Variants in USP15 observed in about 807,000 individuals in gnomAD.
USP15 encodes the protein ubiquitin carboxyl-terminal hydrolase 15.
A neutral mutation model predicts 127.1 loss-of-function variants in USP15; 18 were observed. The observed-to-expected ratio is 0.14, with a 90% CI of 0.10 to 0.21. The LOEUF (loss-of-function observed/expected upper bound fraction) is 0.21, where lower values mean the gene tolerates loss of function less well. Ranked by LOEUF, USP15 falls within the 10% of genes least tolerant of loss-of-function variation. The pLI is 1.00. For synonymous variants in USP15, 364 were observed against 393.7 expected (o/e 0.92, Z 0.89); for missense variants, 805 against 1,159.9 (o/e 0.69, Z 4.44).
intron 6 of USP15, among the ~76,000 whole-genome samples, chr12:62,347,344 A>G (rs2065849706): frequency 2.7e-5 from 4 of 147,948 alleles, no homozygotes; most frequent in East Asian, 1.9e-4. Flanking sequence ...GTGTGTGTGT[A>G]TATACACAAA....
At chr12:62,401,658 C>T (rs2067693325) in intron 21 of USP15, among the ~76,000 whole-genome samples, 1 of 151,802 alleles carries the variant, frequency 6.6e-6, no homozygotes, top group Non-Finnish European at 1.5e-5. Flanking sequence ...TACCTGTGAT[C>T]TTTAAAGTCA....
rs79936720 is a variant in USP15, at chr12:62,346,389, A to G, written c.684-2832A>G. On this transcript the variant is annotated intron_variant, in intron 6 of 21. Transcript: ENST00000280377. The stretch of plus-strand genomic sequence containing the variant: ...TTTTATCCACCATTGCTTTTGCACT[A>G]TCAGTGCCAATATCCACTCAGTGAA... 8.1e-4 allele frequency among the ~76,000 whole-genome samples: 124 copies of G among 152,328 alleles called. 2 individuals are homozygous for G. The East Asian group carries it at 0.02, about 25-fold the overall frequency.
chr12:62,351,884 A>C (rs1411975194), intron 7 of USP15, among the ~76,000 whole-genome samples: 1 of 150,974 alleles, frequency 6.6e-6, no homozygotes, highest in Non-Finnish European at 1.5e-5. Flanking sequence ...TAAAATGGAA[A>C]GTTTTTTTTT....
chr12:62,300,001 G>T (rs563774575), intron 2 of USP15, among the ~76,000 whole-genome samples: 3 of 150,952 alleles, frequency 2.0e-5, no homozygotes, highest in Non-Finnish European at 2.9e-5. Flanking sequence ...TAATAGAATT[G>T]TTTGTCTTTT....
At chr12:62,293,435 C>T (rs2064034564) in intron 1 of USP15, among the ~76,000 whole-genome samples, 1 of 152,192 alleles carries the variant, frequency 6.6e-6, no homozygotes, top group Non-Finnish European at 1.5e-5. Flanking sequence ...CGGCTCACTG[C>T]AACCTCTGCC....
intron 1 of USP15, among the ~76,000 whole-genome samples, chr12:62,274,507 G>GAAAAAA (rs2063429771): frequency 6.6e-6 from 1 of 151,798 alleles, no homozygotes; most frequent in Non-Finnish European, 1.5e-5. Context: ...TTAACCGGGT[G>GAAAAAA]TGGTGGTGCT....
chr12:62,384,822 G>A (rs757986136), intron 11 of USP15, among the ~76,000 whole-genome samples: 9 of 151,782 alleles, frequency 5.9e-5, no homozygotes, highest in Non-Finnish European at 1.3e-4. Flanking sequence ...ATACTTTGAA[G>A]TATCACATAT....
Position 62,381,525 on chromosome 12 carries a change from C to T in USP15, c.951C>T (p.Phe317=), listed in dbSNP as rs1451232619. ...LSNTPPLTEY[F]LNDKYQEELN... The stretch of plus-strand genomic sequence containing the variant: ...ACACACCTCCACTTACTGAGTATTT[C>T]CTCAATGATAAGTATCAAGAAGAAC... The change falls in exon 9 of 22, where the codon TTC becomes TTT. Residue 317 remains phenylalanine, a synonymous_variant. Transcript: ENST00000280377. 1.9e-6 allele frequency: 3 copies of T among 1,612,020 alleles called. No individual in the cohort carries two copies. In the East Asian group the frequency reaches 6.7e-5, roughly 36 times the overall value.
intron 8 of USP15, among the ~76,000 whole-genome samples, chr12:62,373,272 C>T (rs1271734563): frequency 6.6e-6 from 1 of 151,922 alleles, no homozygotes; most frequent in Non-Finnish European, 1.5e-5. Flanking sequence ...TAGAGTTTTC[C>T]TTCCTTGGTC....
chr12:62,375,354 A>G (rs2066793511), intron 8 of USP15, among the ~76,000 whole-genome samples: 1 of 152,056 alleles, frequency 6.6e-6, no homozygotes, highest in Non-Finnish European at 1.5e-5. Flanking sequence ...ACAGAGTGCA[A>G]TTCAGATCTC....
chr12:62,308,343 A>C (rs1343411279), intron 3 of USP15, among the ~76,000 whole-genome samples: 1 of 151,952 alleles, frequency 6.6e-6, no homozygotes. Context: ...AGTGATTGTG[A>C]CCTCTTAGAA....
rs1178048617 is a variant in USP15, at chr12:62,414,397, G to A, written c.*10022G>A. On this transcript the variant is annotated 3_prime_UTR_variant, in exon 22 of 22. Transcript: ENST00000280377. ...TCTCTGTCACCCAGGCTGGAGTGCA[G>A]TGGCACAATCTCATCTCACTGCAGC... is the stretch of plus-strand genomic sequence containing the variant. 2 of 152,278 alleles carry A rather than the reference G, an allele frequency of 1.3e-5. No homozygotes were observed. The highest frequency in any genetic ancestry group is 2.9e-5 in the Non-Finnish European group (2 of 68,092). 9.4% of individuals were successfully genotyped at this position (152,278 alleles called of 1,614,324 possible).
intron 7 of USP15, 26 bp from the exon 8 acceptor site, chr12:62,355,305 C>A: frequency 6.4e-7 from 1 of 1,565,008 alleles, no homozygotes; most frequent in Non-Finnish European, 8.7e-7. Flanking sequence ...TAATTGGCTG[C>A]ATTATGAAAA....
chr12:62,308,198 C>T (rs2064542689), intron 3 of USP15, among the ~76,000 whole-genome samples: 2 of 151,792 alleles, frequency 1.3e-5, no homozygotes, highest in Admixed American at 1.3e-4. Flanking sequence ...TTCTGAACTC[C>T]AGGTTGCTAA....
chr12:62,396,766 C>T (rs1235055237), intron 20 of USP15, among the ~76,000 whole-genome samples: 3 of 152,054 alleles, frequency 2.0e-5, no homozygotes, highest in South Asian at 4.2e-4. Flanking sequence ...CACTAGGTCT[C>T]GACACTTATG....
chr12:62,269,724 C>G (rs2063299856), intron 1 of USP15, among the ~76,000 whole-genome samples: 1 of 152,042 alleles, frequency 6.6e-6, no homozygotes, highest in Admixed American at 6.6e-5. Flanking sequence ...TCTAGCCAGA[C>G]ATAATGTGTC....
chr12:62,388,155 G>A (rs2067216464), intron 11 of USP15, among the ~76,000 whole-genome samples: 1 of 137,322 alleles, frequency 7.3e-6, no homozygotes, highest in Admixed American at 8.3e-5. Context: ...TAATGAGACA[G>A]GGTCTTGCTC....
At chr12:62,338,790 A>G (rs778370260) in intron 6 of USP15, among the ~76,000 whole-genome samples, 4 of 151,666 alleles carry the variant, frequency 2.6e-5, no homozygotes, top group Non-Finnish European at 5.9e-5. Flanking sequence ...AGATGTGTGG[A>G]GTTATTTCTG....
chr12:62,392,530 A>G (rs908041773), intron 18 of USP15, 143 bp downstream of exon 18: 1 of 580,626 alleles, frequency 1.7e-6, no homozygotes, highest in East Asian at 3.2e-5. Context: ...GTTGTAGCCT[A>G]TTAAGAGGGA....
Sources: allele counts gnomAD v4.1 joint callset (sites outside exome capture counted in the v4.1 genomes callset), GRCh38; gene constraint gnomAD v4.1.1; transcripts MANE v1.5; gene names NCBI Gene and HGNC (gene_info 2026-07-23, HGNC 2026-07-21).